The following ZMAT4 variants were observed in gnomAD, a reference collection of about 807,000 sequenced individuals.
ZMAT4 encodes zinc finger matrin-type 4, also known as zinc finger matrin-type protein 4.
A neutral mutation model predicts 28.7 loss-of-function variants in ZMAT4; 17 were observed. The observed-to-expected ratio is 0.59, with a 90% CI of 0.41 to 0.89. The LOEUF is 0.89. Among genes scored for constraint, ZMAT4 ranks in the 40% least tolerant of loss-of-function variants. The pLI is 0.00. For missense variants in ZMAT4, 240 were observed against 283.8 expected (o/e 0.85, Z 1.11); for synonymous variants, 117 against 109.2 (o/e 1.07, Z -0.44).
In ZMAT4 at chr8:40,871,635, A is replaced by G. The variant is rs903299477; in HGVS notation, c.-5+26048T>C. ...ACCAGGACATGGAGCAATGAAGGGTACCATTGCCAATAGTGAGTTTGGTCT... is the reference window on the plus strand; with the variant it reads ...ACCAGGACATGGAGCAATGAAGGGTGCCATTGCCAATAGTGAGTTTGGTCT... On this transcript the variant is annotated intron_variant, in intron 1 of 6. Coordinates refer to ENST00000297737, the MANE Select transcript of ZMAT4 (RefSeq NM_024645.3). Among the ~76,000 whole-genome samples the G allele has an allele frequency of 3.3e-5, 5 of 152,208 alleles. No homozygotes were observed. In the East Asian group the frequency reaches 9.6e-4, roughly 29 times the overall value.
intron 2 of ZMAT4, among the ~76,000 whole-genome samples, chr8:40,812,900 T>C (rs556334762): frequency 6.6e-6 from 1 of 151,382 alleles, no homozygotes; most frequent in African/African-American, 2.4e-5. Context: ...GCCACTGCAC[T>C]CCAGCCTGGG....
Position 40,684,825 on chromosome 8 carries a change from C to A in ZMAT4, c.350-9894G>T, listed in dbSNP as rs148833694. On this transcript the variant is annotated intron_variant, in intron 4 of 6. Transcript: ENST00000297737. Reference sequence around the variant, plus strand: ...GAGCTGTGACTTTAGAATGAATTTACGGAAGTTGGTGCTGTTCCATTCTGT... The same window carrying A: ...GAGCTGTGACTTTAGAATGAATTTAAGGAAGTTGGTGCTGTTCCATTCTGT... 3.7e-3 allele frequency among the ~76,000 whole-genome samples: 560 copies of A among 152,194 alleles called. 6 individuals carry two copies. Among genetic ancestry groups the A allele is most frequent in the South Asian group, 1.0e-2 (48 of 4,818 alleles).
intron 1 of ZMAT4, among the ~76,000 whole-genome samples, chr8:40,826,476 T>G (rs1161169330): frequency 6.6e-6 from 1 of 152,160 alleles, no homozygotes; most frequent in Non-Finnish European, 1.5e-5. Flanking sequence ...ATTTTTAAAT[T>G]TTTCTTCAAC....
At chr8:40,783,632 C>A (rs937907308) in intron 2 of ZMAT4, among the ~76,000 whole-genome samples, 3 of 151,922 alleles carry the variant, frequency 2.0e-5, no homozygotes, top group Non-Finnish European at 4.4e-5. Flanking sequence ...CTATAAATAA[C>A]TACATAAACA....
intron 1 of ZMAT4, among the ~76,000 whole-genome samples, chr8:40,865,821 C>T (rs1212178853): frequency 6.6e-5 from 10 of 152,200 alleles, no homozygotes; most frequent in African/African-American, 2.2e-4. Flanking sequence ...AAGGGACATT[C>T]TTTCTTCCCC....
intron 3 of ZMAT4, among the ~76,000 whole-genome samples, chr8:40,725,070 A>G (rs1224071791): frequency 6.6e-6 from 1 of 152,138 alleles, no homozygotes; most frequent in Non-Finnish European, 1.5e-5. Flanking sequence ...TTGCTATGGA[A>G]CGCCTGCCTA....
chr8:40,785,050 C>G (rs1814010099), intron 2 of ZMAT4, among the ~76,000 whole-genome samples: 1 of 152,212 alleles, frequency 6.6e-6, no homozygotes, highest in Admixed American at 6.5e-5. Flanking sequence ...ATATGTTTTC[C>G]TCGCACCCAA....
At chr8:40,782,041 A>T (rs1425064160) in intron 2 of ZMAT4, among the ~76,000 whole-genome samples, 1 of 152,178 alleles carries the variant, frequency 6.6e-6, no homozygotes, top group Non-Finnish European at 1.5e-5. Context: ...ATGTGACACC[A>T]AAAGCACATG....
At chr8:40,888,714 C>T (rs1818559215) in intron 1 of ZMAT4, among the ~76,000 whole-genome samples, 2 of 152,270 alleles carry the variant, frequency 1.3e-5, no homozygotes, top group Non-Finnish European at 2.9e-5. Flanking sequence ...AGGGAGCAAA[C>T]ACATTCTGGA....
chr8:40,618,040 T>C (rs1237076333), intron 5 of ZMAT4, among the ~76,000 whole-genome samples: 1 of 152,220 alleles, frequency 6.6e-6, no homozygotes, highest in Non-Finnish European at 1.5e-5. Context: ...GAAGGTGTGA[T>C]GGAAACTAGC....
chr8:40,881,603 GAAAAGAA>G (rs1563264247), intron 1 of ZMAT4, among the ~76,000 whole-genome samples: 1 of 135,396 alleles, frequency 7.4e-6, no homozygotes, highest in African/African-American at 2.8e-5. Flanking sequence ...AGAAAGAAAA[GAAAAGAA>G]AAGAGAGAGA....
At chr8:40,673,181 T>A (rs996996350) in intron 5 of ZMAT4, among the ~76,000 whole-genome samples, 2 of 152,214 alleles carry the variant, frequency 1.3e-5, no homozygotes, top group Non-Finnish European at 2.9e-5. Flanking sequence ...TCTGCTCACA[T>A]GGAATGCCTT....
chr8:40,839,359 G>C (rs1404867817), intron 1 of ZMAT4, among the ~76,000 whole-genome samples: 1 of 152,230 alleles, frequency 6.6e-6, no homozygotes, highest in Non-Finnish European at 1.5e-5. Context: ...ATTTTGTCTA[G>C]AATGGCAAAG....
intron 6 of ZMAT4, among the ~76,000 whole-genome samples, chr8:40,570,743 C>CAAACAAAT (rs1554522112): frequency 1.3e-5 from 2 of 151,658 alleles, no homozygotes; most frequent in African/African-American, 4.8e-5. Flanking sequence ...AACAAACAAA[C>CAAACAAAT]AAACAAAAAA....
intron 5 of ZMAT4, among the ~76,000 whole-genome samples, chr8:40,626,659 A>G (rs1412349310): frequency 6.6e-6 from 1 of 152,174 alleles, no homozygotes; most frequent in Non-Finnish European, 1.5e-5. Flanking sequence ...TAACATTGAG[A>G]AACAGACTAG....
chr8:40,667,126 G>A (rs554673468), intron 5 of ZMAT4, among the ~76,000 whole-genome samples: 3 of 151,710 alleles, frequency 2.0e-5, no homozygotes, highest in East Asian at 1.9e-4. Context: ...ACACTGGCCC[G>A]CAATAATTTC....
At chr8:40,719,464 A>G (rs930631640) in intron 3 of ZMAT4, among the ~76,000 whole-genome samples, 4 of 152,208 alleles carry the variant, frequency 2.6e-5, no homozygotes, top group Admixed American at 1.3e-4. Flanking sequence ...GAATAAATAA[A>G]TAAATAAAAT....
At chr8:40,534,734 G>A (rs1160219809) in intron 6 of ZMAT4, among the ~76,000 whole-genome samples, 4 of 138,668 alleles carry the variant, frequency 2.9e-5, no homozygotes, top group Admixed American at 8.1e-5. Flanking sequence ...CCAGGCTGGA[G>A]TGCAGTGGCA....
chr8:40,636,408 T>C (rs924661250), intron 5 of ZMAT4, among the ~76,000 whole-genome samples: 3 of 152,250 alleles, frequency 2.0e-5, no homozygotes, highest in Non-Finnish European at 2.9e-5. Flanking sequence ...ATATCCATCA[T>C]GTTTTTTAGC....
Sources: allele counts gnomAD v4.1 joint callset (sites outside exome capture counted in the v4.1 genomes callset), GRCh38; gene constraint gnomAD v4.1.1; transcripts MANE v1.5; gene names NCBI Gene and HGNC (gene_info 2026-07-23, HGNC 2026-07-21).